Variants in PIWIL2 observed in about 807,000 individuals in gnomAD.
The protein encoded by PIWIL2 is piwi-like protein 2.
A neutral mutation model predicts 116.5 loss-of-function variants in PIWIL2; 81 were observed. The ratio of observed to expected loss-of-function variants is 0.70; its 90% confidence interval spans 0.58 to 0.84. The LOEUF (loss-of-function observed/expected upper bound fraction) is 0.84, where lower values mean the gene tolerates loss of function less well. Among genes scored for constraint, PIWIL2 ranks in the 40% least tolerant of loss-of-function variants. The pLI, the probability that PIWIL2 is intolerant of heterozygous loss-of-function variation, is 0.00. For synonymous variants in PIWIL2, 489 were observed against 429.5 expected (o/e 1.14, Z -1.71); for missense variants, 1,272 against 1,212.3 (o/e 1.05, Z -0.73).
At chr8:22,294,900 GAAAAAAAAAAAA>G (rs57742067) in intron 10 of PIWIL2, among the ~76,000 whole-genome samples, 31 of 93,656 alleles carry the variant, frequency 3.3e-4, no homozygotes, top group African/African-American at 8.1e-4. Flanking sequence ...ATCTTTACTG[GAAAAAAAAAAAA>G]AAAAAAAAAA....
intron 10 of PIWIL2, among the ~76,000 whole-genome samples, chr8:22,301,518 T>A (rs1433370643): frequency 6.6e-6 from 1 of 152,032 alleles, no homozygotes; most frequent in East Asian, 1.9e-4. Context: ...TGTCTCTAAA[T>A]CCTGAGCTCA....
chr8:22,347,204 A>G (rs909485334), intron 20 of PIWIL2, among the ~76,000 whole-genome samples: 31 of 149,860 alleles, frequency 2.1e-4, no homozygotes, highest in African/African-American at 7.6e-4. Flanking sequence ...AATTCAGCAC[A>G]TTAACATAAT....
Position 22,309,136 on chromosome 8 carries a change from A to G in PIWIL2, c.1687-825A>G, listed in dbSNP as rs559126193. Among the ~76,000 whole-genome samples the G allele has an allele frequency of 4.4e-3, 671 of 151,402 alleles. 4 individuals carry two copies. Among genetic ancestry groups the G allele is most frequent in the Non-Finnish European group, 7.3e-3 (499 of 67,908 alleles). ...GCCACCACGTCCGGCTAATTTTTGT[A>G]TTTTTAGTAGAGACGGGGTTTCACC... On this transcript the variant is annotated intron_variant, in intron 14 of 22. Coordinates refer to ENST00000356766, the MANE Select transcript of PIWIL2 (RefSeq NM_018068.5).
chr8:22,288,705 A>C, intron 8 of PIWIL2, 39 bp downstream of exon 8: 1 of 1,568,078 alleles, frequency 6.4e-7, no homozygotes. Flanking sequence ...CTGTAACTTC[A>C]GTCTTGTATT....
intron 6 of PIWIL2, 110 bp from the exon 7 acceptor site, chr8:22,287,418 G>A (rs1830653470): frequency 1.3e-5 from 10 of 751,826 alleles, no homozygotes; most frequent in Non-Finnish European, 1.7e-5. Flanking sequence ...TTTTTAATAT[G>A]CCCGCTAGAT....
At chr8:22,276,508 G>A (rs1222578789) in intron 1 of PIWIL2, among the ~76,000 whole-genome samples, 1 of 152,228 alleles carries the variant, frequency 6.6e-6, no homozygotes, top group South Asian at 2.1e-4. Flanking sequence ...TAGAGATGAG[G>A]GTTCACCATT....
intron 21 of PIWIL2, among the ~76,000 whole-genome samples, chr8:22,353,553 CAGG>C (rs1832421602): frequency 6.6e-6 from 1 of 151,974 alleles, no homozygotes; most frequent in South Asian, 2.1e-4. Context: ...GAGGCTGAGA[CAGG>C]AGAATCGCTT....
chr8:22,340,940 C>T (rs1432136875), intron 20 of PIWIL2, among the ~76,000 whole-genome samples: 5 of 152,136 alleles, frequency 3.3e-5, no homozygotes, highest in East Asian at 3.9e-4. Flanking sequence ...CTGGAACTCC[C>T]GAATTCAAGC....
rs773443588 is a variant in PIWIL2 at position 22,287,586 on chromosome 8, A to G, written c.802A>G (p.Thr268Ala). Residue 268 changes from threonine to alanine, a missense_variant, in exon 7 of 23, where the codon ACC becomes GCC. Thr to Ala is a moderately conservative substitution (Grantham distance 58). Transcript: ENST00000356766. Reference sequence around the variant, plus strand: ...CATGTTGAAGGACCATCAAGCTGTCACCGGCAACGTCACTGCGTTTGATGG... The same window carrying G: ...CATGTTGAAGGACCATCAAGCTGTCGCCGGCAACGTCACTGCGTTTGATGG... ...FGMLKDHQAV[T>A]GNVTAFDGSI... The G allele has an allele frequency of 6.2e-7, 1 of 1,613,984 alleles. No individual in the cohort carries two copies. The highest frequency in any genetic ancestry group is 2.2e-5 in the East Asian group (1 of 44,886).
intron 10 of PIWIL2, among the ~76,000 whole-genome samples, chr8:22,300,280 T>G (rs1831015611): frequency 6.6e-6 from 1 of 151,946 alleles, no homozygotes; most frequent in African/African-American, 2.4e-5. Flanking sequence ...CCTGCTATTG[T>G]TTTTTGGTTG....
intron 2 of PIWIL2, among the ~76,000 whole-genome samples, chr8:22,279,798 A>C (rs1411920650): frequency 1.3e-5 from 2 of 152,178 alleles, no homozygotes; most frequent in Non-Finnish European, 2.9e-5. Flanking sequence ...CTCTACTGAA[A>C]ATACAAAAAT....
intron 15 of PIWIL2, 49 bp downstream of exon 15, chr8:22,310,123 G>T: frequency 1.0e-6 from 1 of 968,514 alleles, no homozygotes; most frequent in Non-Finnish European, 1.6e-6. Context: ...TCCCCAAAGT[G>T]TGGGAATTAG....
At chr8:22,295,439 A>G (rs540135331) in intron 10 of PIWIL2, among the ~76,000 whole-genome samples, 4 of 152,232 alleles carry the variant, frequency 2.6e-5, no homozygotes, top group African/African-American at 4.8e-5. Context: ...TGAAAACACT[A>G]GGTATTTTGT....
At chr8:22,344,224 G>A (rs1056546652) in intron 20 of PIWIL2, among the ~76,000 whole-genome samples, 1 of 152,178 alleles carries the variant, frequency 6.6e-6, no homozygotes, top group Non-Finnish European at 1.5e-5. Context: ...TTGGAAGGGG[G>A]AGAAAGGAAT....
chr8:22,331,454 C>G (rs1831860650), intron 20 of PIWIL2, among the ~76,000 whole-genome samples: 1 of 151,890 alleles, frequency 6.6e-6, no homozygotes, highest in South Asian at 2.1e-4. Context: ...TGCACTCCCT[C>G]TTTCAACAGA....
At chr8:22,318,307 G>C (rs746381376) in intron 20 of PIWIL2, 32 bp downstream of exon 20, 32 of 1,271,730 alleles carry the variant, frequency 2.5e-5, no homozygotes, top group Non-Finnish European at 3.6e-5. Context: ...AGGCTTCTGG[G>C]GTTTTTTGTT....
chr8:22,275,862 C>A (rs6982089), intron 1 of PIWIL2: 9,269 of 152,414 alleles, frequency 0.061, 352 homozygotes, highest in Admixed American at 0.09. Flanking sequence ...TTGAACCTTT[C>A]GGACAGCCAA....
chr8:22,347,177 A>C (rs927367232), intron 20 of PIWIL2, among the ~76,000 whole-genome samples: 2 of 151,738 alleles, frequency 1.3e-5, no homozygotes, highest in African/African-American at 4.8e-5. Context: ...CTCAAAAAAA[A>C]AAAAAAAAAA....
chr8:22,331,175 C>G (rs567468215), intron 20 of PIWIL2, among the ~76,000 whole-genome samples: 5 of 150,938 alleles, frequency 3.3e-5, no homozygotes, highest in Admixed American at 6.6e-5. Flanking sequence ...GACTCTGTCT[C>G]AAAAAAATAA....
Sources: allele counts gnomAD v4.1 joint callset (sites outside exome capture counted in the v4.1 genomes callset), GRCh38; gene constraint gnomAD v4.1.1; transcripts MANE v1.5; gene names NCBI Gene and HGNC (gene_info 2026-07-23, HGNC 2026-07-21).